RBM47: variants seen among roughly 807,000 people sequenced by gnomAD.
RBM47 encodes RNA-binding protein 47.
RBM47 carries 21 observed loss-of-function variants against 47.1 expected under a neutral mutation model. That is an observed-to-expected ratio of 0.45 (90% CI 0.32 to 0.64). RBM47 has a LOEUF of 0.64. RBM47 is among the 30% of genes least tolerant of loss of function. The pLI is 0.05. For missense variants in RBM47, 708 were observed against 870.9 expected (o/e 0.81, Z 2.35); for synonymous variants, 375 against 361.7 (o/e 1.04, Z -0.42).
intron 2 of RBM47, among the ~76,000 whole-genome samples, chr4:40,497,055 A>AAG (rs1722703008): frequency 6.8e-6 from 1 of 146,044 alleles, no homozygotes; most frequent in Non-Finnish European, 1.5e-5. Context: ...AAAAAAAAAA[A>AAG]AAGAAAGAAA....
At chr4:40,452,676 T>C (rs1369966549) in intron 3 of RBM47, among the ~76,000 whole-genome samples, 1 of 133,462 alleles carries the variant, frequency 7.5e-6, no homozygotes, top group Non-Finnish European at 1.7e-5. Flanking sequence ...TCATAATACA[T>C]AACACTACTG....
intron 2 of RBM47, among the ~76,000 whole-genome samples, chr4:40,470,385 A>G (rs1718673912): frequency 6.6e-6 from 1 of 152,190 alleles, no homozygotes; most frequent in South Asian, 2.1e-4. Flanking sequence ...TGAATCTCAC[A>G]GCCGCTCATG....
intron 2 of RBM47, among the ~76,000 whole-genome samples, chr4:40,469,582 C>T (rs950619820): frequency 5.3e-5 from 8 of 151,464 alleles, no homozygotes; most frequent in Non-Finnish European, 1.0e-4. Flanking sequence ...TACAGGTGTG[C>T]GTCACCATGC....
chr4:40,540,770 T>C (rs1199485902), intron 2 of RBM47, among the ~76,000 whole-genome samples: 2 of 150,044 alleles, frequency 1.3e-5, no homozygotes, highest in Non-Finnish European at 3.0e-5. Context: ...TTTTAATTTA[T>C]ATATTTTATT....
chr4:40,477,005 CG>C, intron 2 of RBM47, among the ~76,000 whole-genome samples: 1 of 152,060 alleles, frequency 6.6e-6, no homozygotes, highest in Non-Finnish European at 1.5e-5. Context: ...GAGGCGGAGG[CG>C]GGTGGATCAC....
chr4:40,433,582 T>G (rs1711716410), intron 5 of RBM47, among the ~76,000 whole-genome samples: 1 of 152,216 alleles, frequency 6.6e-6, no homozygotes, highest in South Asian at 2.1e-4. Flanking sequence ...CTGTGAGAGT[T>G]GGGCCTGCCT....
chr4:40,608,496 G>A (rs1735961979), intron 1 of RBM47, among the ~76,000 whole-genome samples: 1 of 152,224 alleles, frequency 6.6e-6, no homozygotes, highest in South Asian at 2.1e-4. Flanking sequence ...CAACCTGGTA[G>A]CAAAGAAACA....
At chr4:40,443,359 C>G (rs769767234) in intron 3 of RBM47, among the ~76,000 whole-genome samples, 6 of 151,846 alleles carry the variant, frequency 4.0e-5, no homozygotes, top group Non-Finnish European at 7.4e-5. Flanking sequence ...AGAAAAGGTT[C>G]AGAGATGCAA....
chr4:40,573,781 G>GA (rs1265478099), intron 1 of RBM47, among the ~76,000 whole-genome samples: 1 of 96,178 alleles, frequency 1.0e-5, no homozygotes, highest in Non-Finnish European at 2.0e-5. Flanking sequence ...AAGAAAGAAA[G>GA]AAAGAGAGAG....
chr4:40,563,461 G>A (rs1037052347), intron 1 of RBM47, among the ~76,000 whole-genome samples: 11 of 152,112 alleles, frequency 7.2e-5, no homozygotes, highest in East Asian at 5.8e-4. Flanking sequence ...CCCATGGCCC[G>A]CATTCTTAGA....
At chr4:40,562,867 G>A (rs991844705) in intron 1 of RBM47, among the ~76,000 whole-genome samples, 1 of 152,070 alleles carries the variant, frequency 6.6e-6, no homozygotes, top group Non-Finnish European at 1.5e-5. Flanking sequence ...TTTTAGAAGC[G>A]ACAGCAACAA....
At chr4:40,550,807 C>A (rs6837767) in intron 1 of RBM47, among the ~76,000 whole-genome samples, 4,557 of 151,756 alleles carry the variant, frequency 0.03, 146 homozygotes, top group African/African-American at 0.082. Context: ...TATTTATATT[C>A]CAGAGAAGGA....
intron 1 of RBM47, among the ~76,000 whole-genome samples, chr4:40,598,252 AT>A (rs978733361): frequency 1.4e-4 from 22 of 152,114 alleles, no homozygotes; most frequent in African/African-American, 5.1e-4. Context: ...TTATTTATTT[AT>A]TTATTTATTT....
chr4:40,428,791 C>T (rs1715447853), intron 6 of RBM47, among the ~76,000 whole-genome samples: 1 of 152,164 alleles, frequency 6.6e-6, no homozygotes, highest in East Asian at 1.9e-4. Context: ...GCATTCACCA[C>T]ACTATAAGGA....
intron 2 of RBM47, among the ~76,000 whole-genome samples, chr4:40,525,985 C>A (rs1178950249): frequency 6.6e-6 from 1 of 152,114 alleles, no homozygotes; most frequent in East Asian, 1.9e-4. Context: ...AATCTAGATC[C>A]CCGGAGTGCT....
chr4:40,583,637 T>C (rs1162151590), intron 1 of RBM47, among the ~76,000 whole-genome samples: 2 of 151,762 alleles, frequency 1.3e-5, no homozygotes, highest in Admixed American at 6.6e-5. Flanking sequence ...GACGGGTGGA[T>C]CATGAGGTCA....
chr4:40,535,758 C>T (rs1727911736), intron 2 of RBM47, among the ~76,000 whole-genome samples: 2 of 152,100 alleles, frequency 1.3e-5, no homozygotes, highest in Admixed American at 6.6e-5. Context: ...CTGGGTTTCA[C>T]CATGTTGACC....
At chr4:40,607,020 A>T (rs1560502318) in intron 1 of RBM47, among the ~76,000 whole-genome samples, 1 of 152,154 alleles carries the variant, frequency 6.6e-6, no homozygotes, top group Non-Finnish European at 1.5e-5. Context: ...CTTTAAAATG[A>T]TGTGTTTTAT....
intron 2 of RBM47, among the ~76,000 whole-genome samples, chr4:40,541,474 C>T (rs944007318): frequency 6.6e-6 from 1 of 151,988 alleles, no homozygotes; most frequent in South Asian, 2.1e-4. Flanking sequence ...TGGTGGCTCA[C>T]GCCTGTAATC....
Sources: allele counts gnomAD v4.1 joint callset (sites outside exome capture counted in the v4.1 genomes callset), GRCh38; gene constraint gnomAD v4.1.1; transcripts MANE v1.5; gene names NCBI Gene and HGNC (gene_info 2026-07-23, HGNC 2026-07-21).